TMTC1: variants seen among roughly 807,000 people sequenced by gnomAD.
TMTC1 encodes transmembrane O-mannosyltransferase targeting cadherins 1.
Under a neutral mutation model 104.8 loss-of-function variants are expected in TMTC1, and 73 were observed. The observed-to-expected ratio is 0.70, with a 90% CI of 0.58 to 0.85. The LOEUF (loss-of-function observed/expected upper bound fraction) is 0.85. TMTC1 is among the 40% of genes least tolerant of loss of function. TMTC1 has a pLI of 0.00. For missense variants in TMTC1, 1,035 were observed against 1,096.1 expected, an observed-to-expected ratio of 0.94 and a Z score of 0.79; for synonymous variants, 434 against 428.7, an observed-to-expected ratio of 1.01 and a Z score of -0.15.
At chr12:29,648,962 G>A (rs1014643538) in intron 5 of TMTC1, among the ~76,000 whole-genome samples, 10 of 151,980 alleles carry the variant, frequency 6.6e-5, no homozygotes, top group African/African-American at 2.4e-4. Context: ...TATGGGGCCC[G>A]CAGCTCCTCT....
intron 8 of TMTC1, among the ~76,000 whole-genome samples, chr12:29,572,995 T>C (rs1945723508): frequency 6.6e-6 from 1 of 152,234 alleles, no homozygotes; most frequent in Non-Finnish European, 1.5e-5. Context: ...CTCTTTATTC[T>C]TTCTTGCCAT....
chr12:29,585,786 C>G (rs546568803), intron 7 of TMTC1, among the ~76,000 whole-genome samples: 2 of 152,208 alleles, frequency 1.3e-5, no homozygotes, highest in African/African-American at 4.8e-5. Context: ...CCATTCTGTT[C>G]CATTGGTCTA....
intron 6 of TMTC1, among the ~76,000 whole-genome samples, chr12:29,618,062 G>C (rs149091233): frequency 6.6e-6 from 1 of 152,212 alleles, no homozygotes; most frequent in Admixed American, 6.5e-5. Context: ...CGGTGGCTTG[G>C]ACAGGGTAAA....
chr12:29,613,164 TGGAA>T (rs1464097941), intron 6 of TMTC1, among the ~76,000 whole-genome samples: 2 of 152,206 alleles, frequency 1.3e-5, no homozygotes, highest in Non-Finnish European at 2.9e-5. Flanking sequence ...CAGATGGATT[TGGAA>T]AATCAGAAGA....
chr12:29,680,774 C>CT (rs1218669939), intron 5 of TMTC1, among the ~76,000 whole-genome samples: 1 of 152,030 alleles, frequency 6.6e-6, no homozygotes, highest in Non-Finnish European at 1.5e-5. Context: ...ACATGAGACT[C>CT]TTAAGTAGGG....
chr12:29,712,003 T>C (rs190710785), intron 5 of TMTC1, among the ~76,000 whole-genome samples: 657 of 60,120 alleles, frequency 0.011, 7 homozygotes, highest in African/African-American at 0.045. Flanking sequence ...CAAGACTCCA[T>C]CTCAAAAAAA....
chr12:29,673,862 C>A (rs912749040), intron 5 of TMTC1, among the ~76,000 whole-genome samples: 1 of 147,852 alleles, frequency 6.8e-6, no homozygotes, highest in African/African-American at 2.5e-5. Context: ...CAGGTTCAAG[C>A]GATTCCCCTG....
chr12:29,744,679 A>G (rs1942906825), intron 5 of TMTC1, among the ~76,000 whole-genome samples: 1 of 152,220 alleles, frequency 6.6e-6, no homozygotes, highest in Non-Finnish European at 1.5e-5. Context: ...GTTAAGAAAC[A>G]GTAACAGAAA....
intron 12 of TMTC1, chr12:29,519,343 T>C (rs1000898345): frequency 6.6e-5 from 10 of 152,184 alleles, no homozygotes; most frequent in African/African-American, 2.2e-4. Flanking sequence ...TTTACAGATA[T>C]AGACACTAAA....
intron 10 of TMTC1, among the ~76,000 whole-genome samples, chr12:29,554,733 T>TG (rs956962903): frequency 1.6e-4 from 25 of 151,776 alleles, no homozygotes; most frequent in African/African-American, 2.7e-4. Context: ...TAGCCAGCCA[T>TG]GGGGGGGCAT....
At chr12:29,514,691 C>T in intron 15 of TMTC1, 87 bp from the exon 16 acceptor site, 1 of 1,417,778 alleles carries the variant, frequency 7.1e-7, no homozygotes, top group South Asian at 1.3e-5. Flanking sequence ...CTTTTTGTTC[C>T]TATGTGTCAG....
chr12:29,582,024 C>A (rs1475728372), intron 8 of TMTC1, among the ~76,000 whole-genome samples: 1 of 152,098 alleles, frequency 6.6e-6, no homozygotes, highest in Non-Finnish European at 1.5e-5. Context: ...ACATTGAGCT[C>A]CCTACAGTAC....
intron 5 of TMTC1, among the ~76,000 whole-genome samples, chr12:29,726,210 G>A (rs1942386820): frequency 6.6e-6 from 1 of 152,282 alleles, no homozygotes; most frequent in East Asian, 1.9e-4. Flanking sequence ...TAAGGAGGGG[G>A]GTGGGAAGCA....
intron 5 of TMTC1, among the ~76,000 whole-genome samples, chr12:29,734,729 A>C (rs1224801348): frequency 6.6e-6 from 1 of 152,188 alleles, no homozygotes; most frequent in African/African-American, 2.4e-5. Flanking sequence ...CTTTAATTTC[A>C]GTAGTTGGTT....
At chr12:29,629,626 T>C (rs1323691237) in intron 6 of TMTC1, among the ~76,000 whole-genome samples, 2 of 152,072 alleles carry the variant, frequency 1.3e-5, no homozygotes, top group African/African-American at 4.8e-5. Flanking sequence ...GGCAAATTCA[T>C]AGAGACAGAA....
intron 10 of TMTC1, among the ~76,000 whole-genome samples, chr12:29,550,532 G>A (rs1945067153): frequency 6.6e-6 from 1 of 152,084 alleles, no homozygotes; most frequent in Non-Finnish European, 1.5e-5. Context: ...GAATGAGAGA[G>A]TGGGGAAAAG....
At chr12:29,595,462 T>C (rs1032976573) in intron 7 of TMTC1, among the ~76,000 whole-genome samples, 1 of 152,220 alleles carries the variant, frequency 6.6e-6, no homozygotes, top group Admixed American at 6.5e-5. Flanking sequence ...AGCAAAGTCC[T>C]TCTGCTTCCC....
chr12:29,587,067 G>A (rs903223690), intron 7 of TMTC1, among the ~76,000 whole-genome samples: 2 of 152,066 alleles, frequency 1.3e-5, no homozygotes, highest in Non-Finnish European at 2.9e-5. Flanking sequence ...TCTGGCCCTG[G>A]ACTTTTTTTG....
chr12:29,507,108 C>G (rs1943714340), intron 17 of TMTC1, 122 bp from the exon 18 acceptor site: 2 of 791,708 alleles, frequency 2.5e-6, no homozygotes, highest in Admixed American at 4.6e-5. Context: ...TATGGAAACT[C>G]TGTCTGTATG....
Sources: allele counts gnomAD v4.1 joint callset (sites outside exome capture counted in the v4.1 genomes callset), GRCh38; gene constraint gnomAD v4.1.1; transcripts MANE v1.5; gene names NCBI Gene and HGNC (gene_info 2026-07-23, HGNC 2026-07-21).